The following CEP112 variants were observed in gnomAD, a reference collection of about 807,000 sequenced individuals.
CEP112 encodes the protein centrosomal protein 112.
CEP112 carries 127 observed loss-of-function variants against 153.0 expected under a neutral mutation model. The ratio of observed to expected loss-of-function variants is 0.83; its 90% confidence interval spans 0.72 to 0.96. The LOEUF is 0.96. Among genes scored for constraint, CEP112 ranks in the 40% least tolerant of loss-of-function variants. CEP112 has a pLI of 0.00. For synonymous variants in CEP112, 358 were observed against 374.4 expected (o/e 0.96, Z 0.51); for missense variants, 1,089 against 1,101.2 (o/e 0.99, Z 0.16).
chr17:65,971,431 G>T (rs1308466974), intron 17 of CEP112, among the ~76,000 whole-genome samples: 2 of 151,922 alleles, frequency 1.3e-5, no homozygotes, highest in Non-Finnish European at 2.9e-5. Flanking sequence ...CTGCATGCAT[G>T]TTACATGGAT....
At chr17:65,658,493 T>C (rs1401532811) in intron 24 of CEP112, among the ~76,000 whole-genome samples, 1 of 152,212 alleles carries the variant, frequency 6.6e-6, no homozygotes, top group East Asian at 1.9e-4. Context: ...AAGGGTGATG[T>C]TCCTGCAGAG....
chr17:65,674,030 C>A (rs2047107340), intron 24 of CEP112, among the ~76,000 whole-genome samples: 1 of 152,136 alleles, frequency 6.6e-6, no homozygotes, highest in African/African-American at 2.4e-5. Flanking sequence ...GCGTGCGCCA[C>A]CAAGCCCAGC....
chr17:65,813,108 T>C (rs2056076409), intron 21 of CEP112, among the ~76,000 whole-genome samples: 1 of 152,098 alleles, frequency 6.6e-6, no homozygotes. Flanking sequence ...GATGGGAAGA[T>C]TACACTTCTT....
intron 17 of CEP112, among the ~76,000 whole-genome samples, chr17:65,970,759 GTA>G (rs1425659927): frequency 2.0e-5 from 1 of 49,360 alleles, no homozygotes. Context: ...CACATTACAG[GTA>G]TGTTACATGT....
intron 24 of CEP112, among the ~76,000 whole-genome samples, chr17:65,648,143 C>T (rs1436712403): frequency 1.3e-5 from 2 of 152,180 alleles, no homozygotes; most frequent in African/African-American, 2.4e-5. Context: ...CATCCTCTCT[C>T]CATTCCCATC....
intron 21 of CEP112, among the ~76,000 whole-genome samples, chr17:65,751,996 A>ATCTT (rs1204376992): frequency 1.4e-5 from 2 of 139,978 alleles, no homozygotes; most frequent in African/African-American, 5.5e-5. Context: ...CTATCTATCT[A>ATCTT]TCTATCTACT....
At chr17:66,175,319 C>A in intron 3 of CEP112, 103 bp from the exon 4 acceptor site, 1 of 720,710 alleles carries the variant, frequency 1.4e-6, no homozygotes, top group Non-Finnish European at 2.1e-6. Context: ...TTCAAATACT[C>A]AAATTCAATT....
intron 19 of CEP112, among the ~76,000 whole-genome samples, chr17:65,921,857 TTTGAAGTTTACA>T (rs1206348998): frequency 6.6e-6 from 1 of 152,156 alleles, no homozygotes; most frequent in African/African-American, 2.4e-5. Context: ...GAGAAAAGCC[TTTGAAGTTTACA>T]TGCTTCCAGA....
intron 19 of CEP112, among the ~76,000 whole-genome samples, chr17:65,923,548 G>GA (rs1259959991): frequency 2.0e-5 from 3 of 151,940 alleles, no homozygotes; most frequent in East Asian, 3.9e-4. Flanking sequence ...CCATCTCTAA[G>GA]AAAAAATATA....
Position 66,029,741 on chromosome 17 carries a change from G to C in CEP112, c.1373+128C>G, listed in dbSNP as rs902037176. 16 of 588,508 alleles carry C rather than the reference G, an allele frequency of 2.7e-5. No individual in the cohort carries two copies. In the African/African-American group the frequency reaches 6.3e-4, roughly 23 times the overall value. 36.5% of individuals were successfully genotyped at this position (588,508 alleles called of 1,614,324 possible). A position where few individuals can be genotyped will look rare whatever the true frequency, so the allele number is the denominator to read the frequency against. ...AAACAAACAAACAAACAAACAAACA[G>C]CAGTATTTAGATTAGAAACTTCCCA... On this transcript the variant is annotated intron_variant, in intron 13 of 26. Transcript: ENST00000535342.
intron 4 of CEP112, among the ~76,000 whole-genome samples, chr17:66,162,805 T>C (rs2071769685): frequency 6.6e-6 from 1 of 152,140 alleles, no homozygotes; most frequent in Non-Finnish European, 1.5e-5. Context: ...ATATTCTCTA[T>C]CTTGACCTGG....
At chr17:65,672,771 G>A (rs901123031) in intron 24 of CEP112, among the ~76,000 whole-genome samples, 4 of 152,104 alleles carry the variant, frequency 2.6e-5, no homozygotes, top group African/African-American at 4.8e-5. Context: ...ACAGGAAATC[G>A]ATAAATGGGA....
At chr17:66,079,775 TA>T (rs1270841568) in intron 8 of CEP112, among the ~76,000 whole-genome samples, 13 of 152,082 alleles carry the variant, frequency 8.5e-5, no homozygotes, top group Admixed American at 4.6e-4. Context: ...CAAGGCTACA[TA>T]ACCAGAACGG....
intron 19 of CEP112, among the ~76,000 whole-genome samples, chr17:65,905,781 A>G (rs2060051914): frequency 6.6e-6 from 1 of 152,042 alleles, no homozygotes; most frequent in South Asian, 2.1e-4. Context: ...TAAAAAAACA[A>G]AAACAAAAAC....
intron 16 of CEP112, among the ~76,000 whole-genome samples, chr17:66,025,343 C>G (rs2065156080): frequency 6.6e-6 from 1 of 152,022 alleles, no homozygotes; most frequent in South Asian, 2.1e-4. Context: ...GAAAAGACAA[C>G]CGTAAGAATA....
intron 20 of CEP112, among the ~76,000 whole-genome samples, chr17:65,870,232 A>G (rs1415833362): frequency 2.0e-5 from 3 of 152,124 alleles, no homozygotes; most frequent in African/African-American, 7.2e-5. Context: ...TTTTGTGAGT[A>G]ATGATACCGG....
chr17:65,927,921 C>T (rs919160552), intron 18 of CEP112, among the ~76,000 whole-genome samples: 2 of 151,904 alleles, frequency 1.3e-5, no homozygotes, highest in Non-Finnish European at 2.9e-5. Context: ...AAAATTACAA[C>T]AATAATGCAG....
Position 66,175,052 on chromosome 17 carries a change from A to G in CEP112, c.462T>C (p.Asp154=). The G allele has an allele frequency of 6.2e-7, 1 of 1,600,020 alleles. No individual in the cohort carries two copies. Among genetic ancestry groups the G allele is most frequent in the Non-Finnish European group, 8.5e-7 (1 of 1,173,342 alleles). ...EDNTLVQSPT[D]VYSREQYTGK... is the part of the protein sequence containing the mutation. Reference sequence around the variant, plus strand: ...CCATTCTCTTTACATACCTGTAGACATCAGTTGGCGACTGTACTAAAGTGT... The same window carrying G: ...CCATTCTCTTTACATACCTGTAGACGTCAGTTGGCGACTGTACTAAAGTGT... Residue 154 remains aspartate, a synonymous_variant, in exon 4 of 27, where the codon GAT becomes GAC. Transcript: ENST00000535342.
In CEP112 at chr17:66,029,146, C is replaced by T; in HGVS notation, c.1480G>A (p.Glu494Lys). The T allele has an allele frequency of 6.2e-7, 1 of 1,603,154 alleles. No individual in the cohort carries two copies. Among genetic ancestry groups the T allele is most frequent in the Non-Finnish European group, 8.5e-7 (1 of 1,172,276 alleles). The part of the protein sequence containing the change: ...YDADINLLKQ[E>K]HALSASKASS... ...ACCTTAGAAGCTGAAAGAGCATGTT[C>T]TTGTTTTAGAAGGTTTATATCAGCA... The change falls in exon 14 of 27, where the codon GAA becomes AAA. Residue 494 changes from glutamate (E) to lysine (K), a missense_variant. Physicochemically the swap from Glu to Lys is moderately conservative, Grantham distance 56. Transcript: ENST00000535342.
Sources: gnomAD v4.1 joint callset for allele counts (sites outside exome capture counted in the v4.1 genomes callset) on GRCh38, gnomAD v4.1.1 for gene constraint, MANE v1.5 for transcripts, NCBI Gene and HGNC (gene_info 2026-07-23, HGNC 2026-07-21) for gene names.